SLC38A2: variants seen among roughly 807,000 people sequenced by gnomAD.
The protein encoded by SLC38A2 is sodium-coupled neutral amino acid symporter 2.
A neutral mutation model predicts 61.5 loss-of-function variants in SLC38A2; 11 were observed. That is an observed-to-expected ratio of 0.18 (90% CI 0.11 to 0.30). The LOEUF is 0.30. Ranked by LOEUF, SLC38A2 falls within the 10% of genes least tolerant of loss-of-function variation. The probability of loss-of-function intolerance (pLI) is 1.00; values close to 1 mark genes in which losing one functional copy is unlikely to be tolerated. For synonymous variants in SLC38A2, 217 were observed against 212.5 expected, an observed-to-expected ratio of 1.02 and a Z score of -0.18; for missense variants, 522 against 600.4, an observed-to-expected ratio of 0.87 and a Z score of 1.36.
Position 46,372,512 on chromosome 12 carries a change from G to A in SLC38A2, c.-90C>T, listed in dbSNP as rs2120583567. On this transcript the variant is annotated 5_prime_UTR_variant, in exon 1 of 16. Coordinates refer to ENST00000256689, the MANE Select transcript of SLC38A2 (RefSeq NM_018976.5). ...GACGCCCCCCCGCACGCGTTACCTC[G>A]GTGGTCTCTATTCTCACGCAGACGT... 2.6e-6 allele frequency: 1 copy of A among 382,104 alleles called. No homozygotes were observed. The highest frequency in any genetic ancestry group is 2.1e-5 in the African/African-American group (1 of 48,076). The allele number at this position is 382,104 out of a possible 1,614,324, so 23.7% of individuals were successfully genotyped here. A position where few individuals can be genotyped will look rare whatever the true frequency, so the allele number is the denominator to read the frequency against.
intron 7 of SLC38A2, among the ~76,000 whole-genome samples, chr12:46,366,034 T>C (rs1415747825): frequency 1.3e-5 from 2 of 152,174 alleles, no homozygotes; most frequent in Non-Finnish European, 2.9e-5. Flanking sequence ...AGCACTTCTC[T>C]ATTTTGACGT....
rs1378840297 is a variant in SLC38A2, at chr12:46,361,142, C to T, written c.1490G>A (p.Trp497Ter). 1.2e-6 allele frequency: 2 copies of T among 1,613,320 alleles called. No individual in the cohort carries two copies. ...TGSMALIVLD[W>*]VHNAPGGGH ...GCCACCTCCAGGTGCATTGTGTACC[C>T]AATCCAAAACAATCAAGGCCATGCT... Residue 497 changes from tryptophan (W) to a stop codon, truncating the protein, a stop_gained, in exon 16 of 16, where the codon TGG becomes TAG. Transcript: ENST00000256689. LOFTEE classifies it high-confidence loss of function.
At chr12:46,362,220 T>C in intron 15 of SLC38A2, 64 bp downstream of exon 15, 4 of 1,313,538 alleles carry the variant, frequency 3.0e-6, no homozygotes, top group Non-Finnish European at 4.2e-6. Context: ...GAGAATAAAA[T>C]TAAAATCAGT....
intron 2 of SLC38A2, 83 bp downstream of exon 2, chr12:46,371,095 A>G: frequency 1.7e-6 from 2 of 1,143,940 alleles, no homozygotes; most frequent in Non-Finnish European, 2.7e-6. Context: ...AGCAAATTAA[A>G]GCAATGGAAG....
rs1352438073 is a variant in SLC38A2, at chr12:46,370,834, T to G, written c.140A>C (p.Glu47Ala). The G allele has an allele frequency of 1.9e-6, 3 of 1,612,390 alleles. No homozygotes were observed. The highest frequency in any genetic ancestry group is 2.5e-6 in the Non-Finnish European group (3 of 1,179,338). The change falls in exon 3 of 16, where the codon GAA becomes GCA. Residue 47 changes from glutamate (E) to alanine (A), a missense_variant. Coordinates refer to ENST00000256689, the MANE Select transcript of SLC38A2 (RefSeq NM_018976.5). ...LKSHYADVDP[E>A]NQNFLLESNL... The stretch of plus-strand genomic sequence containing the variant: ...CGATTCAAGTAAAAAGTTCTGGTTT[T>G]CAGGATCTACATCTGCATAATGGCT...
chr12:46,365,167 A>T lies in SLC38A2; in HGVS notation c.586T>A (p.Tyr196Asn). 2 of 1,613,596 alleles carry T rather than the reference A, an allele frequency of 1.2e-6. No homozygotes were observed. The highest frequency in any genetic ancestry group is 1.7e-6 in the Non-Finnish European group (2 of 1,179,658). ...KTGLWYLNGN[Y>N]LVLLVSLVVI... Reference sequence around the variant, plus strand: ...ACCAATGACACCAACAGAACCAAATAGTTCCCGTTCAGATACCACAATCTA... The same window carrying T: ...ACCAATGACACCAACAGAACCAAATTGTTCCCGTTCAGATACCACAATCTA... Residue 196 changes from tyrosine (Y) to asparagine (N), a missense_variant, in exon 8 of 16, where the codon TAT (tyrosine) becomes AAT (asparagine). Physicochemically the swap from Tyr to Asn is moderately radical, Grantham distance 143. Transcript: ENST00000256689.
intron 4 of SLC38A2, among the ~76,000 whole-genome samples, chr12:46,369,968 C>T (rs931466610): frequency 6.6e-6 from 1 of 152,156 alleles, no homozygotes; most frequent in African/African-American, 2.4e-5. Context: ...ATTAAAAAAA[C>T]ATGTATGGAT....
intron 7 of SLC38A2, among the ~76,000 whole-genome samples, chr12:46,366,521 C>T (rs958153228): frequency 3.9e-5 from 6 of 152,096 alleles, no homozygotes; most frequent in Admixed American, 1.3e-4. Context: ...AAAAATAAGA[C>T]GGATTAATTT....
intron 13 of SLC38A2, 165 bp from the exon 14 acceptor site, chr12:46,362,803 T>A: frequency 2.1e-6 from 2 of 939,760 alleles, no homozygotes; most frequent in Non-Finnish European, 3.1e-6. Context: ...TTCCTGAACA[T>A]CTGAACACTT....
At chr12:46,364,966 A>G in intron 8 of SLC38A2, 141 bp downstream of exon 8, 2 of 826,494 alleles carry the variant, frequency 2.4e-6, no homozygotes. Flanking sequence ...TTTGGCTCCT[A>G]AATTTTGCAT....
intron 1 of SLC38A2, 103 bp downstream of exon 1, chr12:46,372,406 G>A (rs1377393757): frequency 3.1e-6 from 1 of 321,182 alleles, no homozygotes; most frequent in Non-Finnish European, 5.6e-6. Context: ...GAAAGGAAAC[G>A]GACCCCGCGG....
rs902086072 is a variant in SLC38A2, at chr12:46,360,000, C to A, written c.*1111G>T. ...TAGACAAAACATGAACACAACTAAGCCATACATTGTCAAGTAATTCACACT... is the reference window on the plus strand; with the variant it reads ...TAGACAAAACATGAACACAACTAAGACATACATTGTCAAGTAATTCACACT... On this transcript the variant is annotated 3_prime_UTR_variant, in exon 16 of 16. Transcript: ENST00000256689. 2.0e-5 allele frequency: 3 copies of A among 152,752 alleles called. No individual in the cohort carries two copies. The East Asian group carries it at 5.8e-4, about 29-fold the overall frequency. The allele number at this position is 152,752 out of a possible 1,614,324, so 9.5% of individuals were successfully genotyped here.
rs771506392 is a variant in SLC38A2, at chr12:46,371,332, T to TG, written c.-40dup. On this transcript the variant is annotated 5_prime_UTR_variant, in exon 2 of 16. Transcript: ENST00000256689. ...AGGAATCGGGTGCAGCTAGTAGCGC[T>TG]GGGCTCCTTTTGTCCTTGGCGGTGG... 6.5e-7 allele frequency: 1 copy of TG among 1,548,268 alleles called. No individual in the cohort carries two copies. The highest frequency in any genetic ancestry group is 8.9e-7 in the Non-Finnish European group (1 of 1,121,020).
chr12:46,370,823 A>G lies in SLC38A2; in HGVS notation c.151T>C (p.Phe51Leu). The G allele has an allele frequency of 6.2e-7, 1 of 1,612,696 alleles. No individual in the cohort carries two copies. Among genetic ancestry groups the G allele is most frequent in the Non-Finnish European group, 8.5e-7 (1 of 1,179,496 alleles). ...TTCCCCAAATTCGATTCAAGTAAAA[A>G]GTTCTGGTTTTCAGGATCTACATCT... ...YADVDPENQN[F>L]LLESNLGKKK... Residue 51 changes from phenylalanine to leucine, a missense_variant, in exon 3 of 16, where the codon TTT becomes CTT. Physicochemically the swap from Phe to Leu is conservative, Grantham distance 22. Around this residue, in one of 3 missense-constraint regions of SLC38A2, gnomAD observed 102 missense variants for 83.1 expected, o/e 1.23. Coordinates refer to ENST00000256689, the MANE Select transcript of SLC38A2 (RefSeq NM_018976.5).
In SLC38A2 at chr12:46,360,956, C is replaced by A; in HGVS notation, c.*155G>T. The A allele has an allele frequency of 5.2e-6, 3 of 578,300 alleles. No homozygotes were observed. Among genetic ancestry groups the A allele is most frequent in the Non-Finnish European group, 6.0e-6 (2 of 334,632 alleles). The allele number at this position is 578,300 out of a possible 1,614,324, so 35.8% of individuals were successfully genotyped here. ...AGTTTCTTAAAAAAACAAAACAAAA[C>A]AAAAAAGTTCACTTATTCTGCACTC... is the stretch of plus-strand genomic sequence containing the variant. On this transcript the variant is annotated 3_prime_UTR_variant, in exon 16 of 16. Transcript: ENST00000256689.
rs1009723007 is a variant in SLC38A2 at position 46,359,723 on chromosome 12, A to G, written c.*1388T>C. The G allele has an allele frequency of 3.3e-5, 5 of 152,660 alleles. No individual in the cohort carries two copies. Among genetic ancestry groups the G allele is most frequent in the African/African-American group, 1.2e-4 (5 of 41,472 alleles). 9.5% of individuals were successfully genotyped at this position (152,660 alleles called of 1,614,324 possible). On this transcript the variant is annotated 3_prime_UTR_variant, in exon 16 of 16. Transcript: ENST00000256689. ...TTTCAAAGTAATTATTTTCATTTCT[A>G]ACTGGGATTGAAATGGAAGGGTTGA... is the stretch of plus-strand genomic sequence containing the variant.
In SLC38A2 at chr12:46,367,098, T is replaced by C; in HGVS notation, c.459A>G (p.Ser153=). The change falls in exon 6 of 16, where the codon TCA becomes TCG. Residue 153 remains serine (S), a synonymous_variant. Coordinates refer to ENST00000256689, the MANE Select transcript of SLC38A2 (RefSeq NM_018976.5). ...GLVGKLAASG[S]ITMQNIGAMS... ...TACCTCCAATGTTCTGCATTGTAAT[T>C]GATCCAGATGCTGCAAGCTTTCCAA... 1 of 1,614,104 alleles carries C rather than the reference T, an allele frequency of 6.2e-7. No homozygotes were observed. The highest frequency in any genetic ancestry group is 8.5e-7 in the Non-Finnish European group (1 of 1,179,968).
chr12:46,371,255 C>G lies in SLC38A2; in HGVS notation c.39G>C (p.Pro13=). ...AACTGTAGCTGCTGCTGTCTTCATCCGGGGAAATACTGAATCGTCCCATTT... is the reference window on the plus strand; with the variant it reads ...AACTGTAGCTGCTGCTGTCTTCATCGGGGGAAATACTGAATCGTCCCATTT... ...KAEMGRFSIS[P]DEDSSSYSSN... The change falls in exon 2 of 16, where the codon CCG becomes CCC. Residue 13 remains proline (P), a synonymous_variant. Transcript: ENST00000256689. 1 of 1,614,220 alleles carries G rather than the reference C, an allele frequency of 6.2e-7. No homozygotes were observed. Among genetic ancestry groups the G allele is most frequent in the Non-Finnish European group, 8.5e-7 (1 of 1,180,032 alleles).
intron 4 of SLC38A2, among the ~76,000 whole-genome samples, chr12:46,367,569 A>G (rs1046356482): frequency 1.3e-5 from 2 of 152,228 alleles, no homozygotes; most frequent in African/African-American, 4.8e-5. Flanking sequence ...AGCATTGGTT[A>G]GGAACAAGGA....
Sources: allele counts gnomAD v4.1 joint callset (sites outside exome capture counted in the v4.1 genomes callset), GRCh38; gene constraint gnomAD v4.1.1; regional missense constraint gnomAD v4.1.1; transcripts MANE v1.5; gene names NCBI Gene and HGNC (gene_info 2026-07-23, HGNC 2026-07-21).